The following SMYD3 variants were observed in gnomAD, a reference collection of about 807,000 sequenced individuals.
SMYD3 encodes SET and MYND domain containing 3, also known as histone-lysine N-methyltransferase SMYD3.
Under a neutral mutation model 57.7 loss-of-function variants are expected in SMYD3, and 36 were observed. The ratio of observed to expected loss-of-function variants is 0.62; its 90% CI spans 0.48 to 0.82. The LOEUF is 0.82. Ranked by LOEUF, SMYD3 falls within the 40% of genes least tolerant of loss-of-function variation. The pLI is 0.00. For synonymous variants in SMYD3, 211 were observed against 195.0 expected, an observed-to-expected ratio of 1.08 and a Z score of -0.68; for missense variants, 515 against 538.8, an observed-to-expected ratio of 0.96 and a Z score of 0.44.
chr1:246,305,421 T>C (rs2064963465), intron 5 of SMYD3, among the ~76,000 whole-genome samples: 1 of 152,198 alleles, frequency 6.6e-6, no homozygotes, highest in African/African-American at 2.4e-5. Flanking sequence ...TTAGGAATCA[T>C]GCTAATTTCA....
intron 11 of SMYD3, among the ~76,000 whole-genome samples, chr1:245,760,634 T>C (rs547898255): frequency 6.6e-6 from 1 of 152,234 alleles, no homozygotes; most frequent in Non-Finnish European, 1.5e-5. Flanking sequence ...TAACAGAACT[T>C]GCCGTATTGG....
chr1:246,187,034 A>C, intron 5 of SMYD3: 1 of 645,712 alleles, frequency 1.5e-6, no homozygotes, highest in Non-Finnish European at 1.9e-6. Flanking sequence ...CTAGATAACG[A>C]GGTGATGTGC....
chr1:246,084,746 T>C (rs937737879), intron 5 of SMYD3, among the ~76,000 whole-genome samples: 1 of 152,200 alleles, frequency 6.6e-6, no homozygotes, highest in African/African-American at 2.4e-5. Flanking sequence ...CTACAGAATA[T>C]AGGAAAGGTA....
chr1:245,825,278 C>T (rs1425418895), intron 10 of SMYD3, among the ~76,000 whole-genome samples: 1 of 152,156 alleles, frequency 6.6e-6, no homozygotes, highest in Non-Finnish European at 1.5e-5. Flanking sequence ...TTTGGAAACC[C>T]ACAACGGCTC....
chr1:246,040,816 C>T (rs1433110565), intron 5 of SMYD3, among the ~76,000 whole-genome samples: 2 of 152,154 alleles, frequency 1.3e-5, no homozygotes, highest in Non-Finnish European at 2.9e-5. Flanking sequence ...TTAATATTTG[C>T]TGCTTAGAAA....
chr1:245,937,518 G>A (rs1174760312), intron 5 of SMYD3, among the ~76,000 whole-genome samples: 1 of 152,186 alleles, frequency 6.6e-6, no homozygotes, highest in Non-Finnish European at 1.5e-5. Flanking sequence ...TACCACAGAT[G>A]TCTGTCAAAT....
At chr1:246,274,460 T>A (rs1350061968) in intron 5 of SMYD3, among the ~76,000 whole-genome samples, 1 of 152,216 alleles carries the variant, frequency 6.6e-6, no homozygotes, top group East Asian at 1.9e-4. Context: ...GGGCTCTGCT[T>A]CAGGCCACTG....
chr1:245,896,136 T>TG (rs1280263677), intron 8 of SMYD3, among the ~76,000 whole-genome samples: 2 of 152,164 alleles, frequency 1.3e-5, no homozygotes, highest in African/African-American at 2.4e-5. Context: ...ATAGATCCCC[T>TG]GCTCCACAGA....
At chr1:246,076,677 GT>G (rs200488068) in intron 5 of SMYD3, among the ~76,000 whole-genome samples, 2 of 63,642 alleles carry the variant, frequency 3.1e-5, no homozygotes, top group Non-Finnish European at 5.0e-5. Context: ...GTCTGGTTTT[GT>G]TTTTTTTTTC....
At chr1:246,014,091 A>G (rs1423037837) in intron 5 of SMYD3, among the ~76,000 whole-genome samples, 2 of 152,204 alleles carry the variant, frequency 1.3e-5, no homozygotes, top group East Asian at 3.9e-4. Flanking sequence ...TTGAGAGGCC[A>G]TGGTGGGCGG....
intron 5 of SMYD3, among the ~76,000 whole-genome samples, chr1:246,207,611 C>T (rs956100365): frequency 4.0e-5 from 6 of 151,742 alleles, no homozygotes; most frequent in Non-Finnish European, 8.8e-5. Flanking sequence ...CAGTAAAAGA[C>T]AAAAGGACAT....
At chr1:246,157,417 A>G (rs1216959409) in intron 5 of SMYD3, among the ~76,000 whole-genome samples, 1 of 152,212 alleles carries the variant, frequency 6.6e-6, no homozygotes, top group Non-Finnish European at 1.5e-5. Context: ...TTATAAACTC[A>G]TGAGCTTCCC....
At chr1:246,180,253 A>C (rs906492565) in intron 5 of SMYD3, among the ~76,000 whole-genome samples, 1 of 139,398 alleles carries the variant, frequency 7.2e-6, no homozygotes, top group African/African-American at 2.8e-5. Context: ...AGAAAACATA[A>C]TCTCTCTCTA....
chr1:246,311,061 A>G (rs745879129), intron 5 of SMYD3, among the ~76,000 whole-genome samples: 7 of 152,220 alleles, frequency 4.6e-5, no homozygotes, highest in Non-Finnish European at 8.8e-5. Flanking sequence ...TAGAATGATC[A>G]CACTGACTGA....
chr1:246,081,704 A>G (rs541294746), intron 5 of SMYD3, among the ~76,000 whole-genome samples: 3 of 151,918 alleles, frequency 2.0e-5, no homozygotes, highest in South Asian at 2.1e-4. Context: ...CCTAGCTTCT[A>G]TTTTTTTTAA....
At chr1:246,315,633 C>A (rs902679606) in intron 5 of SMYD3, among the ~76,000 whole-genome samples, 1 of 152,102 alleles carries the variant, frequency 6.6e-6, no homozygotes, top group South Asian at 2.1e-4. Flanking sequence ...GTTGTTGGAA[C>A]GCTCTGGTTA....
At chr1:246,020,405 T>C (rs2059451507) in intron 5 of SMYD3, among the ~76,000 whole-genome samples, 1 of 152,244 alleles carries the variant, frequency 6.6e-6, no homozygotes, top group African/African-American at 2.4e-5. Flanking sequence ...GAATTCTTCT[T>C]GGCTTCTTAG....
At chr1:245,878,556 A>T (rs978855588) in intron 8 of SMYD3, among the ~76,000 whole-genome samples, 1 of 152,112 alleles carries the variant, frequency 6.6e-6, no homozygotes, top group Non-Finnish European at 1.5e-5. Context: ...TGTCTGATGG[A>T]CTCTTTTTCC....
intron 5 of SMYD3, among the ~76,000 whole-genome samples, chr1:246,101,072 T>G (rs1046442952): frequency 9.8e-4 from 30 of 30,478 alleles, no homozygotes; most frequent in East Asian, 9.2e-3. Flanking sequence ...GGGTTTTTTG[T>G]TTTTTTTTTT....
Sources: allele counts gnomAD v4.1 joint callset (sites outside exome capture counted in the v4.1 genomes callset), GRCh38; gene constraint gnomAD v4.1.1; transcripts MANE v1.5; gene names NCBI Gene and HGNC (gene_info 2026-07-23, HGNC 2026-07-21).